The following PCCA variants were observed in gnomAD, a reference collection of about 807,000 sequenced individuals.
PCCA encodes the protein propionyl-CoA carboxylase subunit alpha, also known as propionyl-CoA carboxylase alpha chain, mitochondrial.
In PCCA, 74 loss-of-function variants were observed where a neutral mutation model predicts 101.3. That is an observed-to-expected ratio of 0.73 (90% CI 0.61 to 0.89). The LOEUF (loss-of-function observed/expected upper bound fraction) is 0.89. Among genes scored for constraint, PCCA ranks in the 40% least tolerant of loss-of-function variants. PCCA has a pLI of 0.00. For missense variants in PCCA, 891 were observed against 907.0 expected, an observed-to-expected ratio of 0.98 and a Z score of 0.23; for synonymous variants, 294 against 313.6, an observed-to-expected ratio of 0.94 and a Z score of 0.66.
intron 6 of PCCA, among the ~76,000 whole-genome samples, chr13:100,183,753 G>C (rs1178129182): frequency 6.6e-6 from 1 of 152,116 alleles, no homozygotes; most frequent in Non-Finnish European, 1.5e-5. Flanking sequence ...GAGTGTAAGA[G>C]TGTAAGAGTA....
intron 12 of PCCA, among the ~76,000 whole-genome samples, chr13:100,292,242 T>G (rs1334462007): frequency 1.3e-5 from 2 of 152,244 alleles, no homozygotes; most frequent in Non-Finnish European, 2.9e-5. Flanking sequence ...TCAGAACAAC[T>G]GCAGCTGACT....
chr13:100,471,786 G>A (rs1476891449), intron 21 of PCCA, among the ~76,000 whole-genome samples: 1 of 152,194 alleles, frequency 6.6e-6, no homozygotes, highest in African/African-American at 2.4e-5. Flanking sequence ...CAACACAGGT[G>A]AGCTTTCCGT....
chr13:100,226,027 A>G (rs553954491), intron 7 of PCCA, among the ~76,000 whole-genome samples: 3 of 152,232 alleles, frequency 2.0e-5, no homozygotes, highest in African/African-American at 4.8e-5. Flanking sequence ...CCTGGTCTCA[A>G]GTGATCCACC....
At chr13:100,387,469 G>C (rs1001147673) in intron 19 of PCCA, among the ~76,000 whole-genome samples, 1 of 152,174 alleles carries the variant, frequency 6.6e-6, no homozygotes, top group African/African-American at 2.4e-5. Context: ...ACATCACAAG[G>C]CTATTTTAGA....
intron 8 of PCCA, among the ~76,000 whole-genome samples, chr13:100,256,159 A>G (rs917489673): frequency 2.0e-5 from 3 of 151,962 alleles, no homozygotes; most frequent in African/African-American, 7.3e-5. Context: ...GACGCACACC[A>G]CCACACCCAG....
chr13:100,365,481 C>G (rs1028171354), intron 18 of PCCA, among the ~76,000 whole-genome samples: 3 of 152,100 alleles, frequency 2.0e-5, no homozygotes, highest in African/African-American at 7.2e-5. Flanking sequence ...AGACTTGTTA[C>G]GTGATAGAAG....
intron 1 of PCCA, among the ~76,000 whole-genome samples, chr13:100,092,901 G>A (rs1242926045): frequency 1.3e-5 from 2 of 152,138 alleles, no homozygotes; most frequent in Non-Finnish European, 2.9e-5. Flanking sequence ...ACAGAAACTA[G>A]TTTCTGGTGT....
chr13:100,449,546 G>A (rs1384819436), intron 21 of PCCA, among the ~76,000 whole-genome samples: 2 of 152,162 alleles, frequency 1.3e-5, no homozygotes, highest in African/African-American at 2.4e-5. Flanking sequence ...GAGTATAGGG[G>A]CACAATCTCA....
chr13:100,417,669 A>G (rs760835371), intron 19 of PCCA, among the ~76,000 whole-genome samples: 7 of 152,020 alleles, frequency 4.6e-5, no homozygotes, highest in African/African-American at 7.2e-5. Context: ...TTCTAATTCT[A>G]TGTCCTCTAC....
At chr13:100,138,180 C>T (rs2051411932) in intron 4 of PCCA, among the ~76,000 whole-genome samples, 1 of 151,958 alleles carries the variant, frequency 6.6e-6, no homozygotes, top group Non-Finnish European at 1.5e-5. Context: ...CACTGTTTCA[C>T]TCTTTGTGTC....
chr13:100,121,411 T>TCCTC, intron 4 of PCCA, among the ~76,000 whole-genome samples: 1 of 151,586 alleles, frequency 6.6e-6, no homozygotes, highest in Non-Finnish European at 1.5e-5. Context: ...CCTCCCGCTG[T>TCCTC]GGCCTCCCAA....
At chr13:100,320,276 A>G (rs2067876875) in intron 16 of PCCA, among the ~76,000 whole-genome samples, 1 of 152,186 alleles carries the variant, frequency 6.6e-6, no homozygotes, top group South Asian at 2.1e-4. Flanking sequence ...GCAAACAGGG[A>G]CAATTTGACT....
chr13:100,352,766 A>T (rs773806817), intron 18 of PCCA, among the ~76,000 whole-genome samples: 1 of 151,910 alleles, frequency 6.6e-6, no homozygotes, highest in Non-Finnish European at 1.5e-5. Flanking sequence ...CAGTGGTGTG[A>T]TTATAGCTCA....
chr13:100,299,581 A>G (rs866002705), intron 12 of PCCA, among the ~76,000 whole-genome samples: 8 of 152,314 alleles, frequency 5.3e-5, no homozygotes, highest in South Asian at 2.1e-4. Context: ...TGCCTTGTAT[A>G]TAGTATGTAC....
At chr13:100,401,793 G>A (rs138104202) in intron 19 of PCCA, among the ~76,000 whole-genome samples, 140 of 152,170 alleles carry the variant, frequency 9.2e-4, no homozygotes, top group Middle Eastern at 6.8e-3. Context: ...TTTCAGTTTG[G>A]GAGCACAGTT....
At chr13:100,357,167 C>A (rs2074040415) in intron 18 of PCCA, among the ~76,000 whole-genome samples, 1 of 152,170 alleles carries the variant, frequency 6.6e-6, no homozygotes, top group African/African-American at 2.4e-5. Context: ...TTAACTTGTA[C>A]ACTTCAGATG....
chr13:100,137,271 T>A (rs1355769811), intron 4 of PCCA, among the ~76,000 whole-genome samples: 2 of 152,214 alleles, frequency 1.3e-5, no homozygotes, highest in Non-Finnish European at 2.9e-5. Context: ...CTGATCCAGG[T>A]ATGACCTGTT....
At position 100,447,481 on chromosome 13, in the gene PCCA, G is replaced by A. The variant is rs922819554; in HGVS notation, c.1846-1771G>A. On this transcript the variant is annotated intron_variant, in intron 20 of 23. Transcript: ENST00000376285. ...GAGGCCAGGAGTTCGAGACCAGCCT[G>A]GCCAACATGGTGAAACCCCGTCTCT... 3.9e-5 allele frequency among the ~76,000 whole-genome samples: 6 copies of A among 152,192 alleles called. No individual in the cohort carries two copies. The South Asian group carries it at 1.2e-3, about 32-fold the overall frequency.
intron 21 of PCCA, among the ~76,000 whole-genome samples, chr13:100,475,882 TCTG>T (rs1395646828): frequency 6.6e-6 from 1 of 152,226 alleles, no homozygotes; most frequent in Non-Finnish European, 1.5e-5. Flanking sequence ...TATGTAGTAT[TCTG>T]CTTTCTTCCC....
Sources: allele counts gnomAD v4.1 joint callset (sites outside exome capture counted in the v4.1 genomes callset), GRCh38; gene constraint gnomAD v4.1.1; transcripts MANE v1.5; gene names NCBI Gene and HGNC (gene_info 2026-07-23, HGNC 2026-07-21).